The following BMP5 variants were observed in gnomAD, a reference collection of about 807,000 sequenced individuals.
BMP5 encodes the protein bone morphogenetic protein 5.
Under a neutral mutation model 46.6 loss-of-function variants are expected in BMP5, and 23 were observed. The ratio of observed to expected loss-of-function variants is 0.49; its 90% CI spans 0.35 to 0.70. The LOEUF (loss-of-function observed/expected upper bound fraction) is 0.70, where lower values mean the gene tolerates loss of function less well. BMP5 is among the 30% of genes least tolerant of loss of function. The pLI is 0.00. For missense variants in BMP5, 545 were observed against 565.6 expected, an observed-to-expected ratio of 0.96 and a Z score of 0.37; for synonymous variants, 204 against 191.9, an observed-to-expected ratio of 1.06 and a Z score of -0.52.
intron 1 of BMP5, among the ~76,000 whole-genome samples, chr6:55,827,233 T>G (rs1776554174): frequency 6.6e-6 from 1 of 151,758 alleles, no homozygotes; most frequent in Admixed American, 6.6e-5. Context: ...TTAGGATTGT[T>G]AAGTAATATA....
chr6:55,844,330 G>T (rs536084399), intron 1 of BMP5, among the ~76,000 whole-genome samples: 2 of 151,950 alleles, frequency 1.3e-5, no homozygotes, highest in Non-Finnish European at 2.9e-5. Flanking sequence ...AACATTGGCA[G>T]ATTCTCTTTC....
intron 2 of BMP5, among the ~76,000 whole-genome samples, chr6:55,795,139 T>C (rs931523016): frequency 1.3e-5 from 2 of 152,180 alleles, no homozygotes; most frequent in African/African-American, 4.8e-5. Context: ...TATTGCTGAA[T>C]CTTAATTTTA....
intron 3 of BMP5, among the ~76,000 whole-genome samples, chr6:55,778,075 C>G (rs1187164345): frequency 1.3e-5 from 2 of 152,028 alleles, no homozygotes; most frequent in Non-Finnish European, 2.9e-5. Context: ...AGCAATCTGA[C>G]AACACTGGGA....
chr6:55,756,243 T>G (rs1257409059), intron 6 of BMP5, among the ~76,000 whole-genome samples: 1 of 152,002 alleles, frequency 6.6e-6, no homozygotes, highest in East Asian at 1.9e-4. Context: ...TGATTTCAGC[T>G]CTTCATAGAA....
chr6:55,863,905 T>C (rs969578013), intron 1 of BMP5, among the ~76,000 whole-genome samples: 1 of 152,162 alleles, frequency 6.6e-6, no homozygotes, highest in East Asian at 1.9e-4. Context: ...AGGTGTTTAG[T>C]AGGATATGCC....
intron 1 of BMP5, among the ~76,000 whole-genome samples, chr6:55,869,922 C>G (rs1044303948): frequency 1.3e-5 from 2 of 152,102 alleles, no homozygotes; most frequent in South Asian, 4.1e-4. Flanking sequence ...ATTTAAGCCT[C>G]TAGCAAACCA....
chr6:55,810,667 C>T (rs1036294318), intron 2 of BMP5, among the ~76,000 whole-genome samples: 1 of 152,166 alleles, frequency 6.6e-6, no homozygotes, highest in Non-Finnish European at 1.5e-5. Context: ...ATGGTCAAAG[C>T]AAAATTCACT....
At chr6:55,817,616 G>C (rs1776307819) in intron 2 of BMP5, among the ~76,000 whole-genome samples, 4 of 152,020 alleles carry the variant, frequency 2.6e-5, no homozygotes, top group Admixed American at 2.6e-4. Flanking sequence ...GGGAGGAGGG[G>C]GGAGGGATAG....
chr6:55,874,883 A>T lies in BMP5; in HGVS notation c.-18T>A. ...AGATGCATTTTTGTCCAAAAGCAAA[A>T]GTTGATATTTTTAGTCCTTCTTGTC... On this transcript the variant is annotated 5_prime_UTR_variant, in exon 1 of 7. Transcript: ENST00000370830. The T allele has an allele frequency of 6.2e-7, 1 of 1,612,050 alleles. No individual in the cohort carries two copies. The highest frequency in any genetic ancestry group is 8.5e-7 in the Non-Finnish European group (1 of 1,179,044).
intron 4 of BMP5, among the ~76,000 whole-genome samples, chr6:55,764,004 A>C (rs777488876): frequency 4.6e-5 from 7 of 152,230 alleles, no homozygotes; most frequent in Non-Finnish European, 7.3e-5. Flanking sequence ...GATAAGAAGA[A>C]CACTAGTACA....
chr6:55,850,380 AGATAGATAGATAGATC>A (rs1562069922), intron 1 of BMP5, among the ~76,000 whole-genome samples: 116 of 143,852 alleles, frequency 8.1e-4, no homozygotes, highest in Middle Eastern at 6.8e-3. Context: ...ATAGATAGAT[AGATAGATAGATAGATC>A]GATAGATATA....
chr6:55,809,148 T>C (rs1259721404), intron 2 of BMP5, among the ~76,000 whole-genome samples: 1 of 152,182 alleles, frequency 6.6e-6, no homozygotes, highest in African/African-American at 2.4e-5. Flanking sequence ...ATTCTCTAAA[T>C]GAAAATTAAA....
chr6:55,854,486 GTA>G (rs1438389206), intron 1 of BMP5, among the ~76,000 whole-genome samples: 1 of 151,510 alleles, frequency 6.6e-6, no homozygotes, highest in Admixed American at 6.6e-5. Context: ...ACACATATAT[GTA>G]TATGTGTGTA....
Position 55,874,734 on chromosome 6 carries a change from C to T in BMP5, c.132G>A (p.Arg44=). The change falls in exon 1 of 7, where the codon CGG becomes CGA. Residue 44 remains arginine, a synonymous_variant. Coordinates refer to ENST00000370830, the MANE Select transcript of BMP5 (RefSeq NM_021073.4). ...TTTGTATTTCCCGTCTTTCGTGGTT[C>T]CGTAGTCTTCTATAAATAAAACTGG... ...VHSSFIYRRL[R]NHERREIQRE... The T allele has an allele frequency of 6.2e-7, 1 of 1,613,478 alleles. No homozygotes were observed. The highest frequency in any genetic ancestry group is 1.3e-5 in the African/African-American group (1 of 74,940).
At chr6:55,769,446 G>A (rs546849746) in intron 4 of BMP5, among the ~76,000 whole-genome samples, 1 of 151,918 alleles carries the variant, frequency 6.6e-6, no homozygotes, top group Non-Finnish European at 1.5e-5. Context: ...TGAGATTGCA[G>A]CAATCCAGTC....
intron 1 of BMP5, among the ~76,000 whole-genome samples, chr6:55,853,029 C>A (rs1434517849): frequency 4.6e-5 from 7 of 151,788 alleles, no homozygotes; most frequent in Non-Finnish European, 1.0e-4. Context: ...ACTCAGGAGA[C>A]TGAGGCAGGA....
chr6:55,808,557 G>A (rs1388212490), intron 2 of BMP5, among the ~76,000 whole-genome samples: 5 of 152,214 alleles, frequency 3.3e-5, no homozygotes, highest in African/African-American at 1.2e-4. Flanking sequence ...TGGCTGTTGA[G>A]AACCTGCACA....
At chr6:55,840,339 T>G (rs1044197998) in intron 1 of BMP5, among the ~76,000 whole-genome samples, 5 of 152,162 alleles carry the variant, frequency 3.3e-5, no homozygotes, top group Admixed American at 2.6e-4. Context: ...TTTTTAAATC[T>G]TTATGCCTTC....
intron 1 of BMP5, among the ~76,000 whole-genome samples, chr6:55,822,241 TA>T (rs1161668275): frequency 6.6e-6 from 1 of 152,164 alleles, no homozygotes; most frequent in East Asian, 1.9e-4. Flanking sequence ...AACATAGACC[TA>T]AAATCTTGTA....
Sources: gnomAD v4.1 joint callset for allele counts (sites outside exome capture counted in the v4.1 genomes callset) on GRCh38, gnomAD v4.1.1 for gene constraint, MANE v1.5 for transcripts, NCBI Gene and HGNC (gene_info 2026-07-23, HGNC 2026-07-21) for gene names.